Variants in SHF observed in about 807,000 individuals in gnomAD.
SHF encodes the protein SH2 domain-containing adapter protein F.
In SHF, 30 loss-of-function variants were observed where a neutral mutation model predicts 42.4. The observed-to-expected ratio is 0.71, with a 90% confidence interval of 0.53 to 0.96. SHF has a LOEUF of 0.96. Among genes scored for constraint, SHF ranks in the 40% least tolerant of loss-of-function variants. SHF has a pLI of 0.00. For missense variants in SHF, 598 were observed against 634.0 expected, an observed-to-expected ratio of 0.94 and a Z score of 0.61; for synonymous variants, 264 against 269.9, an observed-to-expected ratio of 0.98 and a Z score of 0.21.
chr15:45,173,069 C>T (rs1183366440), intron 4 of SHF, among the ~76,000 whole-genome samples: 1 of 152,248 alleles, frequency 6.6e-6, no homozygotes, highest in Non-Finnish European at 1.5e-5. Flanking sequence ...ATGCTCATGC[C>T]TCTGCACACA....
chr15:45,198,615 T>G, intron 2 of SHF: 2 of 873,080 alleles, frequency 2.3e-6, no homozygotes, highest in East Asian at 2.7e-5. Flanking sequence ...ATGCCGTGAC[T>G]CGGATTCGAA....
In SHF at chr15:45,175,442, G is replaced by T; in HGVS notation, c.641-17C>A. Reference sequence around the variant, plus strand: ...CCCGGATCTCTGCCGGAGCAGGGCAGGAAGGGAAAGGTGAGGGTTCAGCCT... The same window carrying T: ...CCCGGATCTCTGCCGGAGCAGGGCATGAAGGGAAAGGTGAGGGTTCAGCCT... On this transcript the variant is annotated splice_polypyrimidine_tract_variant and intron_variant, in intron 2 of 6. Coordinates refer to ENST00000690270, the MANE Select transcript of SHF (RefSeq NM_001394037.1). 1 of 1,560,742 alleles carries T rather than the reference G, an allele frequency of 6.4e-7. No individual in the cohort carries two copies. The highest frequency in any genetic ancestry group is 8.7e-7 in the Non-Finnish European group (1 of 1,152,160).
intron 2 of SHF, chr15:45,198,511 G>C: frequency 2.3e-6 from 1 of 426,662 alleles, no homozygotes; most frequent in Non-Finnish European, 4.1e-6. Context: ...GAGAAACGTT[G>C]GTTCGTTTCA....
Position 45,181,030 on chromosome 15 carries a change from C to G in SHF, c.499-2724G>C, listed in dbSNP as rs540431126. On this transcript the variant is annotated intron_variant, in intron 1 of 6. Coordinates refer to ENST00000690270, the MANE Select transcript of SHF (RefSeq NM_001394037.1). The stretch of plus-strand genomic sequence containing the variant: ...TGCCTGATCCAACCCCCGATAGTCT[C>G]CCCACCCCTAATCCTCCACTCCATA... The G allele has an allele frequency of 2.0e-5, 3 of 152,376 alleles. No homozygotes were observed. The East Asian group carries it at 5.8e-4, about 29-fold the overall frequency. The allele number at this position is 152,376 out of a possible 1,614,324, so 9.4% of individuals were successfully genotyped here. A position where few individuals can be genotyped will look rare whatever the true frequency, so the allele number is the denominator to read the frequency against.
At chr15:45,173,071 C>T (rs1411994288) in intron 4 of SHF, among the ~76,000 whole-genome samples, 1 of 152,272 alleles carries the variant, frequency 6.6e-6, no homozygotes, top group African/African-American at 2.4e-5. Flanking sequence ...GCTCATGCCT[C>T]TGCACACACA....
At chr15:45,185,081 C>G (rs907248992) in intron 1 of SHF, among the ~76,000 whole-genome samples, 1 of 152,222 alleles carries the variant, frequency 6.6e-6, no homozygotes, top group African/African-American at 2.4e-5. Flanking sequence ...ATAGAAACAC[C>G]TCCACCCATT....
At chr15:45,198,690 A>G (rs1278171965) in intron 2 of SHF, 3 of 1,508,432 alleles carry the variant, frequency 2.0e-6, no homozygotes, top group Non-Finnish European at 1.8e-6. Flanking sequence ...GCTACCGGGG[A>G]CCCGTAGGGG....
intron 1 of SHF, among the ~76,000 whole-genome samples, chr15:45,181,624 G>A (rs554383278): frequency 7.9e-5 from 12 of 152,300 alleles, no homozygotes; most frequent in Admixed American, 5.2e-4. Context: ...CTCAACAGGC[G>A]TCCTCTCCAG....
At chr15:45,178,463 C>T (rs946281118) in intron 1 of SHF, among the ~76,000 whole-genome samples, 157 bp from the exon 2 acceptor site, 1 of 151,856 alleles carries the variant, frequency 6.6e-6, no homozygotes, top group South Asian at 2.1e-4. Context: ...TGGATGGGGA[C>T]AAGCTCTGGC....
At chr15:45,199,502 G>T (rs1026466613) in intron 1 of SHF, among the ~76,000 whole-genome samples, 1 of 152,182 alleles carries the variant, frequency 6.6e-6, no homozygotes, top group African/African-American at 2.4e-5. Context: ...AGCCGCGGGA[G>T]GGATCTTGCT....
intron 2 of SHF, 87 bp from the exon 3 acceptor site, chr15:45,175,512 A>T (rs1897753985): frequency 7.2e-7 from 1 of 1,386,690 alleles, no homozygotes; most frequent in Non-Finnish European, 9.9e-7. Flanking sequence ...GCAACAAGCC[A>T]GGCCTCCTTC....
intron 2 of SHF, among the ~76,000 whole-genome samples, chr15:45,176,577 G>C (rs566391650): frequency 2.0e-5 from 3 of 151,796 alleles, no homozygotes; most frequent in Non-Finnish European, 4.4e-5. Context: ...CTAATTCCTT[G>C]AACTGTATGC....
At chr15:45,178,005 A>G (rs1356007134) in intron 2 of SHF, among the ~76,000 whole-genome samples, 160 bp downstream of exon 2, 1 of 152,164 alleles carries the variant, frequency 6.6e-6, no homozygotes, top group Non-Finnish European at 1.5e-5. Flanking sequence ...CTTCTCCAAA[A>G]TGACTCTGAA....
chr15:45,171,895 G>A lies in SHF; in HGVS notation c.1268C>T (p.Ser423Phe). The change falls in exon 6 of 7, where the codon TCC (serine) becomes TTC (phenylalanine). Residue 423 changes from serine to phenylalanine, a missense_variant. By Grantham distance (155) the Ser-to-Phe change is radical (BLOSUM62 -2). This residue lies in a region of SHF where 439 missense variants were observed against 524.6 expected (regional missense o/e 0.84). Transcript: ENST00000690270. ...TGTCCCCACTCACTTGAGGGAGAGGGAGAAGTCATTCTTGCTGGTCTCACT... is the reference window on the plus strand; with the variant it reads ...TGTCCCCACTCACTTGAGGGAGAGGAAGAAGTCATTCTTGCTGGTCTCACT... ...RNSETSKNDFSLSLKSSQGFM... is the reference protein window; with the variant it reads ...RNSETSKNDFFLSLKSSQGFM... 1 of 1,613,332 alleles carries A rather than the reference G, an allele frequency of 6.2e-7. No homozygotes were observed. Among genetic ancestry groups the A allele is most frequent in the South Asian group, 1.1e-5 (1 of 91,032 alleles).
Position 45,175,405 on chromosome 15 carries a change from T to C in SHF, c.661A>G (p.Thr221Ala). 1 of 1,588,288 alleles carries C rather than the reference T, an allele frequency of 6.3e-7. No individual in the cohort carries two copies. The highest frequency in any genetic ancestry group is 8.6e-7 in the Non-Finnish European group (1 of 1,167,116). ...TACAGAGGCAAGGGCTGAGTTGCTG[T>C]CTCCTTGGAGCCCCGGATCTCTGCC... ...MMAEIRGSKE[T>A]ATQPLPLYDT... Residue 221 changes from threonine (T) to alanine (A), a missense_variant, in exon 3 of 7, where the codon ACA becomes GCA. By Grantham distance (58) the Thr-to-Ala change is moderately conservative. Around this residue, in one of 2 missense-constraint regions of SHF, gnomAD observed 439 missense variants for 524.6 expected, o/e 0.84. Coordinates refer to ENST00000690270, the MANE Select transcript of SHF (RefSeq NM_001394037.1).
chr15:45,182,862 C>T (rs1898200744), intron 1 of SHF, among the ~76,000 whole-genome samples: 1 of 152,210 alleles, frequency 6.6e-6, no homozygotes, highest in Non-Finnish European at 1.5e-5. Context: ...TGTCCTTCTC[C>T]TATTTTATCT....
At chr15:45,198,702 T>C (rs1284243765) in intron 2 of SHF, 3 of 1,532,746 alleles carry the variant, frequency 2.0e-6, no homozygotes, top group South Asian at 1.3e-5. Flanking sequence ...CCGTAGGGGT[T>C]GGCTTCTGAT....
chr15:45,180,774 G>A (rs928060985), intron 1 of SHF, among the ~76,000 whole-genome samples: 1 of 152,116 alleles, frequency 6.6e-6, no homozygotes, highest in Non-Finnish European at 1.5e-5. Flanking sequence ...TGTTTGTTTT[G>A]TTCCATGTCT....
Position 45,187,773 on chromosome 15 carries a change from C to T in SHF, c.179G>A (p.Gly60Glu). The T allele has an allele frequency of 1.1e-6, 1 of 900,700 alleles. No homozygotes were observed. The highest frequency in any genetic ancestry group is 1.4e-6 in the Non-Finnish European group (1 of 695,028). The allele number at this position is 900,700 out of a possible 1,614,324, so 55.8% of individuals were successfully genotyped here. Residue 60 changes from glycine to glutamate, a missense_variant, in exon 1 of 7, where the codon GGG becomes GAG. Gly to Glu is a moderately conservative substitution (Grantham distance 98, BLOSUM62 -2). Coordinates refer to ENST00000690270, the MANE Select transcript of SHF (RefSeq NM_001394037.1). ...CTTGCTGCCCCCTCCGCCGCCGCCC[C>T]CCCCGCGGAAGCCCAGGTGCTCCCG... ...WLREHLGFRG[G>E]GGGGGGSKPA...
Sources: allele counts gnomAD v4.1 joint callset (sites outside exome capture counted in the v4.1 genomes callset), GRCh38; gene constraint gnomAD v4.1.1; regional missense constraint gnomAD v4.1.1; transcripts MANE v1.5; gene names NCBI Gene and HGNC (gene_info 2026-07-23, HGNC 2026-07-21).